Variants in NCKAP5 observed in about 807,000 individuals in gnomAD.
The protein encoded by NCKAP5 is NCK associated protein 5.
Under a neutral mutation model 167.0 loss-of-function variants are expected in NCKAP5, and 92 were observed. The observed-to-expected ratio is 0.55, with a 90% confidence interval of 0.47 to 0.66. The LOEUF (loss-of-function observed/expected upper bound fraction) is 0.66. Among genes scored for constraint, NCKAP5 ranks in the 30% least tolerant of loss-of-function variants. The pLI is 0.00. For synonymous variants in NCKAP5, 891 were observed against 877.4 expected (o/e 1.02, Z -0.27); for missense variants, 2,378 against 2,315.0 (o/e 1.03, Z -0.56).
At chr2:133,214,223 T>G (rs545992174) in intron 4 of NCKAP5, among the ~76,000 whole-genome samples, 237 of 152,310 alleles carry the variant, frequency 1.6e-3, no homozygotes, top group African/African-American at 4.8e-3. Context: ...AGAAAATCAT[T>G]TGCATGCTTG....
At chr2:133,421,918 C>T (rs545375922) in intron 3 of NCKAP5, among the ~76,000 whole-genome samples, 63 of 152,360 alleles carry the variant, frequency 4.1e-4, no homozygotes, top group African/African-American at 1.5e-3. Context: ...TTCAATTCAA[C>T]TCAGCTAACC....
intron 3 of NCKAP5, among the ~76,000 whole-genome samples, chr2:133,306,357 G>T (rs1680777328): frequency 6.6e-6 from 1 of 152,194 alleles, no homozygotes; most frequent in Non-Finnish European, 1.5e-5. Context: ...TGGAACCCAT[G>T]AACAAGTACT....
intron 4 of NCKAP5, among the ~76,000 whole-genome samples, chr2:133,247,908 A>C (rs1022430049): frequency 1.3e-5 from 2 of 152,178 alleles, no homozygotes; most frequent in African/African-American, 4.8e-5. Flanking sequence ...CTATACTAGG[A>C]AAAGGGAATT....
chr2:132,953,184 T>C (rs1328027369), intron 8 of NCKAP5, among the ~76,000 whole-genome samples: 1 of 152,224 alleles, frequency 6.6e-6, no homozygotes, highest in Non-Finnish European at 1.5e-5. Flanking sequence ...GCCTCATCTC[T>C]GGCCATAGGT....
chr2:132,690,657 C>T (rs1686613707), intron 19 of NCKAP5, among the ~76,000 whole-genome samples: 1 of 152,172 alleles, frequency 6.6e-6, no homozygotes, highest in African/African-American at 2.4e-5. Context: ...CTTCTCCTTT[C>T]CCCTGCTCCA....
chr2:133,585,313 T>C, the NCKAP5 span, among the ~76,000 whole-genome samples: 1 of 152,236 alleles, frequency 6.6e-6, no homozygotes, highest in Non-Finnish European at 1.5e-5. Context: ...AAAACTATTA[T>C]CTCCATTTTA....
At chr2:132,703,398 T>C (rs1688058144) in intron 19 of NCKAP5, among the ~76,000 whole-genome samples, 1 of 152,208 alleles carries the variant, frequency 6.6e-6, no homozygotes, top group African/African-American at 2.4e-5. Context: ...ATGAGCTTTA[T>C]TACTTCATGT....
intron 5 of NCKAP5, among the ~76,000 whole-genome samples, chr2:133,149,807 A>G (rs1420375657): frequency 6.6e-6 from 1 of 152,090 alleles, no homozygotes; most frequent in Non-Finnish European, 1.5e-5. Context: ...CCCCCTACTT[A>G]AGGGGGACTA....
At chr2:133,322,043 A>G (rs1682094546) in intron 3 of NCKAP5, among the ~76,000 whole-genome samples, 1 of 152,226 alleles carries the variant, frequency 6.6e-6, no homozygotes, top group South Asian at 2.1e-4. Context: ...TAGTTTTTAT[A>G]CATTTCATAC....
At chr2:133,409,377 G>A (rs1163435431) in intron 3 of NCKAP5, among the ~76,000 whole-genome samples, 1 of 152,296 alleles carries the variant, frequency 6.6e-6, no homozygotes, top group Middle Eastern at 3.4e-3. Context: ...AGGCAGGATT[G>A]TACCCTTTTT....
the NCKAP5 span, among the ~76,000 whole-genome samples, chr2:133,605,786 A>G: frequency 2.6e-5 from 4 of 152,192 alleles, no homozygotes; most frequent in African/African-American, 9.6e-5. Context: ...TTACAAATGT[A>G]TCCCTGCTTT....
chr2:133,268,644 G>A (rs975464151), intron 4 of NCKAP5, among the ~76,000 whole-genome samples: 7 of 151,970 alleles, frequency 4.6e-5, no homozygotes, highest in African/African-American at 1.7e-4. Context: ...CACCGCGCCC[G>A]GCTAATTTTT....
intron 19 of NCKAP5, among the ~76,000 whole-genome samples, chr2:132,712,798 T>G (rs1363823870): frequency 2.0e-5 from 3 of 152,146 alleles, no homozygotes; most frequent in Non-Finnish European, 4.4e-5. Flanking sequence ...TCTCTGGTGT[T>G]AAGGGATAAG....
chr2:132,955,066 G>T (rs1574758987), intron 8 of NCKAP5, among the ~76,000 whole-genome samples: 1 of 152,148 alleles, frequency 6.6e-6, no homozygotes, highest in South Asian at 2.1e-4. Flanking sequence ...AAGATTAGAA[G>T]GAAACAATTA....
chr2:133,085,085 G>A (rs1480309097), intron 6 of NCKAP5, among the ~76,000 whole-genome samples: 1 of 152,166 alleles, frequency 6.6e-6, no homozygotes, highest in Non-Finnish European at 1.5e-5. Flanking sequence ...AAAACAGTCA[G>A]GGTGGGGAGA....
chr2:133,411,367 T>G (rs1400392221), intron 3 of NCKAP5, among the ~76,000 whole-genome samples: 1 of 152,196 alleles, frequency 6.6e-6, no homozygotes, highest in African/African-American at 2.4e-5. Context: ...AAGGGAGGGC[T>G]TCCAGCTAAT....
chr2:133,239,659 C>G (rs115886419), intron 4 of NCKAP5, among the ~76,000 whole-genome samples: 3,554 of 152,244 alleles, frequency 0.023, 136 homozygotes, highest in African/African-American at 0.081. Context: ...ATCCTGCTAC[C>G]TTTTATTTAT....
chr2:133,447,590 G>C (rs1211582642), intron 3 of NCKAP5, among the ~76,000 whole-genome samples: 3 of 95,884 alleles, frequency 3.1e-5, no homozygotes, highest in Admixed American at 1.6e-4. Flanking sequence ...TTCCCCTTCC[G>C]TTCCCTTCCT....
intron 8 of NCKAP5, among the ~76,000 whole-genome samples, chr2:132,929,389 G>T (rs903848093): frequency 5.3e-5 from 8 of 152,004 alleles, no homozygotes; most frequent in African/African-American, 1.9e-4. Context: ...ATAATTTCTG[G>T]CTCTTTATGC....
Sources: allele counts gnomAD v4.1 joint callset (sites outside exome capture counted in the v4.1 genomes callset), GRCh38; gene constraint gnomAD v4.1.1; transcripts MANE v1.5; gene names NCBI Gene and HGNC (gene_info 2026-07-23, HGNC 2026-07-21).